ABCA13: variants seen among roughly 807,000 people sequenced by gnomAD.
ABCA13 encodes the protein ATP-binding cassette sub-family A member 13.
In ABCA13, 476 loss-of-function variants were observed where a neutral mutation model predicts 478.7. That is an observed-to-expected ratio of 0.99 (90% confidence interval 0.92 to 1.07). The LOEUF (loss-of-function observed/expected upper bound fraction) is 1.07, where lower values mean the gene tolerates loss of function less well. Ranked by LOEUF, ABCA13 falls within the 50% of genes least tolerant of loss-of-function variation. The pLI is 0.00. For synonymous variants in ABCA13, 2,252 were observed against 2,158.9 expected, an observed-to-expected ratio of 1.04 and a Z score of -1.20; for missense variants, 6,060 against 5,910.6, an observed-to-expected ratio of 1.03 and a Z score of -0.83.
chr7:48,298,517 T>C (rs1799717431), intron 23 of ABCA13, 30 bp downstream of exon 23: 1 of 1,601,018 alleles, frequency 6.2e-7, no homozygotes, highest in Non-Finnish European at 8.5e-7. Context: ...CTGTCTGTTT[T>C]GCTCATGGAA....
At chr7:48,531,228 C>G (rs1322116926) in intron 55 of ABCA13, among the ~76,000 whole-genome samples, 1 of 152,266 alleles carries the variant, frequency 6.6e-6, no homozygotes, top group Middle Eastern at 3.4e-3. Context: ...TATCCCTGCA[C>G]CATTTGTTGA....
rs1820403281 is a variant in ABCA13, at chr7:48,419,074, A to C, written c.12459+6491A>C. On this transcript the variant is annotated intron_variant, in intron 41 of 61. Transcript: ENST00000435803. ...GAGTGGGGAGGTGTCACACACTTTT[A>C]AACAACCAGATCTCACAAGAACTCA... Among the ~76,000 whole-genome samples the C allele has an allele frequency of 2.0e-5, 3 of 152,108 alleles. No individual in the cohort carries two copies. In the South Asian group the frequency reaches 6.2e-4, roughly 31 times the overall value.
chr7:48,516,848 G>A lies in ABCA13; in HGVS notation c.13764G>A (p.Met4588Ile). ...TTTGTACCATGCTCATAACCATTAT[G>A]CCCCGGTTGCTAGCCATCATCTCCA... ...FGLCTMLITI[M>I]PRLLAIISKA... is the part of the protein sequence containing the mutation. Residue 4588 changes from methionine (M) to isoleucine (I), a missense_variant, in exon 52 of 62, where the codon ATG (methionine) becomes ATA (isoleucine). Met to Ile is a conservative substitution (Grantham distance 10, BLOSUM62 1). Coordinates refer to ENST00000435803, the MANE Select transcript of ABCA13 (RefSeq NM_152701.5). The A allele has an allele frequency of 1.2e-6, 2 of 1,613,540 alleles. No homozygotes were observed. The highest frequency in any genetic ancestry group is 1.7e-4 in the Middle Eastern group (1 of 6,058).
intron 51 of ABCA13, among the ~76,000 whole-genome samples, chr7:48,511,636 T>A (rs1272249767): frequency 6.6e-6 from 1 of 151,996 alleles, no homozygotes; most frequent in Non-Finnish European, 1.5e-5. Flanking sequence ...TTTCTATCAC[T>A]TTTTTTTCAG....
At chr7:48,541,646 A>G (rs538590014) in intron 55 of ABCA13, among the ~76,000 whole-genome samples, 2 of 147,120 alleles carry the variant, frequency 1.4e-5, no homozygotes, top group Admixed American at 6.9e-5. Flanking sequence ...CCCTTTGACT[A>G]TTAGAGAAAA....
chr7:48,352,532 G>A (rs937335632), intron 31 of ABCA13, 45 bp downstream of exon 31: 4 of 1,499,478 alleles, frequency 2.7e-6, no homozygotes, highest in Non-Finnish European at 3.6e-6. Flanking sequence ...GAAGGGCCTT[G>A]CATTTGTCTA....
At chr7:48,426,565 T>TTGGGTGGGAGGTACCAGC (rs1821451525) in intron 41 of ABCA13, among the ~76,000 whole-genome samples, 1 of 152,078 alleles carries the variant, frequency 6.6e-6, no homozygotes, top group Admixed American at 6.5e-5. Flanking sequence ...ACCCAGGGCA[T>TTGGGTGGGAGGTACCAGC]TGGGTGGGAG....
intron 7 of ABCA13, 83 bp downstream of exon 7, chr7:48,230,038 A>T: frequency 1.4e-6 from 2 of 1,396,842 alleles, no homozygotes; most frequent in Non-Finnish European, 1.9e-6. Flanking sequence ...AGCTAAAATG[A>T]TGTTCAAAAT....
At chr7:48,438,864 C>T (rs1169874629) in intron 42 of ABCA13, among the ~76,000 whole-genome samples, 1 of 147,446 alleles carries the variant, frequency 6.8e-6, no homozygotes, top group Non-Finnish European at 1.5e-5. Flanking sequence ...CACATAACTG[C>T]AGAAGACAAT....
chr7:48,197,426 G>A (rs1209305684), intron 2 of ABCA13, among the ~76,000 whole-genome samples: 2 of 152,150 alleles, frequency 1.3e-5, no homozygotes, highest in Non-Finnish European at 2.9e-5. Flanking sequence ...CATTTGACCT[G>A]GAGTCAAAGT....
intron 1 of ABCA13, among the ~76,000 whole-genome samples, chr7:48,182,009 A>G (rs1289201541): frequency 6.6e-6 from 1 of 151,994 alleles, no homozygotes; most frequent in African/African-American, 2.4e-5. Context: ...GTCCCTGTGT[A>G]TGGAGCACTT....
chr7:48,246,148 C>A, intron 13 of ABCA13, 118 bp downstream of exon 13: 1 of 1,109,510 alleles, frequency 9.0e-7, no homozygotes, highest in Non-Finnish European at 1.2e-6. Flanking sequence ...AGCCCACACA[C>A]TTAAAGGAAG....
chr7:48,229,289 G>T (rs993683218), intron 6 of ABCA13, among the ~76,000 whole-genome samples: 1 of 152,012 alleles, frequency 6.6e-6, no homozygotes, highest in Admixed American at 6.6e-5. Flanking sequence ...CCTCCCCAAA[G>T]CTCCTTGTTC....
At chr7:48,519,008 C>G (rs960541724) in intron 52 of ABCA13, among the ~76,000 whole-genome samples, 10 of 152,086 alleles carry the variant, frequency 6.6e-5, no homozygotes, top group Admixed American at 6.5e-4. Flanking sequence ...TGTTCCTGTC[C>G]TTGTGTTCAT....
At chr7:48,387,183 T>C (rs751774739) in intron 35 of ABCA13, among the ~76,000 whole-genome samples, 1 of 151,994 alleles carries the variant, frequency 6.6e-6, no homozygotes, top group Non-Finnish European at 1.5e-5. Flanking sequence ...GTAAGTTACG[T>C]TCATCAAACT....
intron 39 of ABCA13, among the ~76,000 whole-genome samples, chr7:48,407,193 G>A (rs1319045654): frequency 6.6e-6 from 1 of 152,078 alleles, no homozygotes; most frequent in African/African-American, 2.4e-5. Context: ...TCAGGGAAAG[G>A]CCTGGCACAG....
intron 51 of ABCA13, among the ~76,000 whole-genome samples, chr7:48,514,328 G>A (rs1831949113): frequency 6.6e-6 from 1 of 152,164 alleles, no homozygotes; most frequent in Non-Finnish European, 1.5e-5. Context: ...GTTGAATATC[G>A]TGTTGTTAAA....
chr7:48,224,764 C>A (rs530339321), intron 5 of ABCA13, among the ~76,000 whole-genome samples: 1 of 152,106 alleles, frequency 6.6e-6, no homozygotes, highest in South Asian at 2.1e-4. Flanking sequence ...TTGTTCAGAG[C>A]GTGTGCTCCC....
intron 55 of ABCA13, among the ~76,000 whole-genome samples, chr7:48,555,496 A>G (rs1785725326): frequency 6.6e-6 from 1 of 151,858 alleles, no homozygotes; most frequent in Non-Finnish European, 1.5e-5. Context: ...TTATGGCTTC[A>G]ATCTTGTTAC....
Sources: allele counts gnomAD v4.1 joint callset (sites outside exome capture counted in the v4.1 genomes callset), GRCh38; gene constraint gnomAD v4.1.1; transcripts MANE v1.5; gene names NCBI Gene and HGNC (gene_info 2026-07-23, HGNC 2026-07-21).